The following PDE6C variants were observed in gnomAD, a reference collection of about 807,000 sequenced individuals.
PDE6C encodes phosphodiesterase 6C, also known as cone cGMP-specific 3',5'-cyclic phosphodiesterase subunit alpha'.
A neutral mutation model predicts 113.1 loss-of-function variants in PDE6C; 75 were observed. The observed-to-expected ratio is 0.66, with a 90% CI of 0.55 to 0.80. The LOEUF is 0.80. PDE6C is among the 30% of genes least tolerant of loss of function. PDE6C has a pLI of 0.00. For missense variants in PDE6C, 912 were observed against 1,038.6 expected, an observed-to-expected ratio of 0.88 and a Z score of 1.67; for synonymous variants, 375 against 363.7, an observed-to-expected ratio of 1.03 and a Z score of -0.35.
chr10:93,652,004 C>T (rs1330395991), intron 15 of PDE6C, among the ~76,000 whole-genome samples: 1 of 151,808 alleles, frequency 6.6e-6, no homozygotes, highest in African/African-American at 2.4e-5. Flanking sequence ...AACTTGTGTG[C>T]AAGTGTGTGT....
At chr10:93,613,310 CG>C (rs1564794187) in intron 1 of PDE6C, 105 bp downstream of exon 1, 3 of 1,488,460 alleles carry the variant, frequency 2.0e-6, no homozygotes, top group South Asian at 1.2e-5. Context: ...TGGCAATAAC[CG>C]GGGGAATGTG....
chr10:93,634,736 T>C (rs1431879454), intron 8 of PDE6C, 22 bp from the exon 9 acceptor site: 2 of 1,613,684 alleles, frequency 1.2e-6, no homozygotes, highest in African/African-American at 2.7e-5. Context: ...AAAAATAACT[T>C]GAGGTCCCTT....
chr10:93,633,764 A>G (rs2857301), intron 8 of PDE6C, among the ~76,000 whole-genome samples: 1 of 152,202 alleles, frequency 6.6e-6, no homozygotes, highest in African/African-American at 2.4e-5. Flanking sequence ...TTAACGGGAG[A>G]ATTTTATTTA....
intron 15 of PDE6C, among the ~76,000 whole-genome samples, chr10:93,648,407 C>T (rs982634262): frequency 6.6e-6 from 1 of 152,126 alleles, no homozygotes; most frequent in African/African-American, 2.4e-5. Context: ...TGGACACACA[C>T]ACAAAAAGAT....
intron 13 of PDE6C, 55 bp from the exon 14 acceptor site, chr10:93,640,865 G>C (rs1334320481): frequency 1.8e-6 from 2 of 1,125,772 alleles, no homozygotes; most frequent in African/African-American, 1.6e-5. Context: ...ACTTGGTATA[G>C]AGGTATATTA....
intron 14 of PDE6C, among the ~76,000 whole-genome samples, chr10:93,645,463 A>G (rs892898328): frequency 3.3e-5 from 5 of 152,210 alleles, no homozygotes; most frequent in African/African-American, 1.2e-4. Context: ...AAGGCATTGA[A>G]GAAAAACAGG....
Position 93,620,758 on chromosome 10 carries a change from T to A in PDE6C, c.607T>A (p.Ser203Thr). The A allele has an allele frequency of 6.2e-7, 1 of 1,614,180 alleles. No homozygotes were observed. Among genetic ancestry groups the A allele is most frequent in the African/African-American group, 1.3e-5 (1 of 75,038 alleles). ...VIMAVNKVNA[S>T]EFSKQDEEVF... ...CATGGCAGTTAACAAAGTAAATGCA[T>A]CTGAATTTTCCAAACAGGATGAAGA... The change falls in exon 2 of 22, where the codon TCT (serine) becomes ACT (threonine). Residue 203 changes from serine (S) to threonine (T), a missense_variant. Ser to Thr is a moderately conservative substitution (Grantham distance 58). Transcript: ENST00000371447.
intron 14 of PDE6C, among the ~76,000 whole-genome samples, chr10:93,641,936 T>C (rs1237135178): frequency 6.6e-6 from 1 of 152,186 alleles, no homozygotes; most frequent in Non-Finnish European, 1.5e-5. Flanking sequence ...ATTTAAACTT[T>C]CTAAGCCTCA....
chr10:93,615,583 T>C (rs2058416174), intron 1 of PDE6C, among the ~76,000 whole-genome samples: 1 of 152,180 alleles, frequency 6.6e-6, no homozygotes, highest in African/African-American at 2.4e-5. Context: ...GGTTTCACCA[T>C]GTTGGCCAGG....
chr10:93,640,028 C>G (rs761725500), intron 11 of PDE6C, 42 bp from the exon 12 acceptor site: 2 of 1,611,026 alleles, frequency 1.2e-6, no homozygotes, highest in Admixed American at 3.3e-5. Context: ...AAAGGGAAAA[C>G]AGATGAATGT....
chr10:93,632,795 G>A (rs190797647), intron 8 of PDE6C, among the ~76,000 whole-genome samples: 217 of 152,322 alleles, frequency 1.4e-3, no homozygotes, highest in Non-Finnish European at 2.6e-3. Context: ...ATCAGGAGAC[G>A]GATGTTGAGG....
intron 1 of PDE6C, among the ~76,000 whole-genome samples, chr10:93,613,713 A>G (rs1211774472): frequency 6.6e-6 from 1 of 152,188 alleles, no homozygotes; most frequent in Admixed American, 6.5e-5. Context: ...TCATCTATCG[A>G]CCAAATGTGC....
intron 14 of PDE6C, among the ~76,000 whole-genome samples, chr10:93,642,003 T>C (rs1224697930): frequency 5.9e-5 from 9 of 152,218 alleles, no homozygotes; most frequent in Admixed American, 2.0e-4. Context: ...ATAAGGTTGT[T>C]GTAAAGATTA....
intron 18 of PDE6C, among the ~76,000 whole-genome samples, chr10:93,659,453 T>A (rs1466838525): frequency 1.3e-5 from 2 of 152,198 alleles, no homozygotes; most frequent in African/African-American, 4.8e-5. Context: ...TATTAGCCTG[T>A]TCTCATGCTG....
At chr10:93,663,533 C>G (rs2058676388) in intron 21 of PDE6C, among the ~76,000 whole-genome samples, 1 of 152,108 alleles carries the variant, frequency 6.6e-6, no homozygotes, top group African/African-American at 2.4e-5. Context: ...GTTTTTGTCC[C>G]AACATTATGC....
chr10:93,643,275 C>G (rs1251248602), intron 14 of PDE6C, among the ~76,000 whole-genome samples: 2 of 152,122 alleles, frequency 1.3e-5, no homozygotes, highest in Non-Finnish European at 2.9e-5. Context: ...TCTGCATTGG[C>G]CTGGTTTTCT....
chr10:93,655,991 C>G (rs2058636384), intron 16 of PDE6C, 131 bp downstream of exon 16: 4 of 707,314 alleles, frequency 5.7e-6, no homozygotes, highest in Non-Finnish European at 1.0e-5. Context: ...CACACACACA[C>G]ATACACACAA....
chr10:93,645,865 AG>A, intron 14 of PDE6C, 94 bp from the exon 15 acceptor site: 1 of 748,630 alleles, frequency 1.3e-6, no homozygotes, highest in Non-Finnish European at 2.4e-6. Flanking sequence ...TTGAGTGAGG[AG>A]GGAGAAGAGA....
intron 4 of PDE6C, among the ~76,000 whole-genome samples, chr10:93,623,457 A>G (rs1293636689): frequency 6.6e-6 from 1 of 152,168 alleles, no homozygotes; most frequent in Non-Finnish European, 1.5e-5. Flanking sequence ...AGAAGGTTTT[A>G]ATTTTAATGA....
Sources: allele counts gnomAD v4.1 joint callset (sites outside exome capture counted in the v4.1 genomes callset), GRCh38; gene constraint gnomAD v4.1.1; transcripts MANE v1.5; gene names NCBI Gene and HGNC (gene_info 2026-07-23, HGNC 2026-07-21).